FAT3: variants seen among roughly 807,000 people sequenced by gnomAD.
FAT3 encodes the protein protocadherin Fat 3.
FAT3 carries 95 observed loss-of-function variants against 310.2 expected under a neutral mutation model. The ratio of observed to expected loss-of-function variants is 0.31; its 90% confidence interval spans 0.26 to 0.36. The LOEUF (loss-of-function observed/expected upper bound fraction) is 0.36. FAT3 is among the 10% of genes least tolerant of loss of function. The pLI is 1.00. For synonymous variants in FAT3, 2,314 were observed against 2,192.9 expected (o/e 1.06, Z -1.54); for missense variants, 5,408 against 5,715.6 (o/e 0.95, Z 1.74).
chr11:92,500,789 C>G (rs1190039136), intron 2 of FAT3, among the ~76,000 whole-genome samples: 2 of 151,970 alleles, frequency 1.3e-5, no homozygotes, highest in African/African-American at 4.8e-5. Flanking sequence ...ACAGCAATAA[C>G]TTGAGGTGCC....
chr11:92,309,544 T>G (rs1212380747), intron 1 of FAT3, among the ~76,000 whole-genome samples: 1 of 152,108 alleles, frequency 6.6e-6, no homozygotes, highest in Non-Finnish European at 1.5e-5. Flanking sequence ...GGGAAAGTAA[T>G]TATTCTGCTC....
At chr11:92,531,914 T>C (rs1330016836) in intron 3 of FAT3, among the ~76,000 whole-genome samples, 1 of 152,130 alleles carries the variant, frequency 6.6e-6, no homozygotes, top group Non-Finnish European at 1.5e-5. Context: ...TGGCCTCTGC[T>C]AGATGCCAGG....
At chr11:92,532,029 G>A (rs1349978113) in intron 3 of FAT3, among the ~76,000 whole-genome samples, 1 of 151,992 alleles carries the variant, frequency 6.6e-6, no homozygotes, top group African/African-American at 2.4e-5. Context: ...CACTAACGTG[G>A]AATACTTTAC....
intron 2 of FAT3, among the ~76,000 whole-genome samples, chr11:92,397,475 C>A (rs1471754949): frequency 6.6e-6 from 1 of 152,170 alleles, no homozygotes; most frequent in Non-Finnish European, 1.5e-5. Context: ...CATTAACATG[C>A]CTCACATAGT....
intron 2 of FAT3, chr11:92,403,188 G>A (rs1950060797): frequency 6.6e-6 from 1 of 152,220 alleles, no homozygotes; most frequent in Admixed American, 6.5e-5. Flanking sequence ...ACAAGTAGAT[G>A]TAATGTCAAC....
At chr11:92,463,035 C>T (rs1036528353) in intron 2 of FAT3, among the ~76,000 whole-genome samples, 3 of 152,232 alleles carry the variant, frequency 2.0e-5, no homozygotes, top group Non-Finnish European at 4.4e-5. Context: ...GCCCCATGCT[C>T]AGCGTGGAGC....
At chr11:92,364,850 C>A (rs1158842753) in intron 2 of FAT3, among the ~76,000 whole-genome samples, 1 of 152,136 alleles carries the variant, frequency 6.6e-6, no homozygotes, top group Non-Finnish European at 1.5e-5. Flanking sequence ...ATTTGCATAA[C>A]ATAGTTAATA....
intron 14 of FAT3, 48 bp from the exon 15 acceptor site, chr11:92,834,822 C>T: frequency 7.0e-7 from 1 of 1,431,834 alleles, no homozygotes; most frequent in Non-Finnish European, 9.5e-7. Context: ...AATTGCTGAC[C>T]AGTGTTTTTT....
Position 92,806,393 on chromosome 11 carries a change from T to G in FAT3, c.9125T>G (p.Ile3042Ser). 6.3e-7 allele frequency: 1 copy of G among 1,599,464 alleles called. No homozygotes were observed. The highest frequency in any genetic ancestry group is 1.1e-5 in the South Asian group (1 of 88,068). Residue 3042 changes from isoleucine (I) to serine (S), a missense_variant, in exon 12 of 28, where the codon ATT becomes AGT. Ile to Ser is a moderately radical substitution (Grantham distance 142). This residue lies in a region of FAT3 where 4,588 missense variants were observed against 4,809.8 expected (regional missense o/e 0.95). Transcript: ENST00000525166. The part of the protein sequence containing the change: ...VAYTALLPED[I>S]PSNKIILKVS... ...TATACAGCATTACTTCCTGAAGACA[T>G]TCCATCAAATAAAATCATCCTGAAA...
intron 3 of FAT3, among the ~76,000 whole-genome samples, chr11:92,649,769 T>C (rs971027919): frequency 1.3e-5 from 2 of 151,832 alleles, no homozygotes; most frequent in Non-Finnish European, 2.9e-5. Flanking sequence ...GATCTAGATA[T>C]TAGATGGTGA....
At chr11:92,526,244 T>C (rs1034005436) in intron 3 of FAT3, among the ~76,000 whole-genome samples, 1 of 152,210 alleles carries the variant, frequency 6.6e-6, no homozygotes, top group African/African-American at 2.4e-5. Context: ...ATTTACTTTT[T>C]GGTATGGCAA....
chr11:92,259,953 C>T (rs1177994007), intron 1 of FAT3, among the ~76,000 whole-genome samples: 1 of 152,016 alleles, frequency 6.6e-6, no homozygotes, highest in Non-Finnish European at 1.5e-5. Flanking sequence ...CTGAGTTTGC[C>T]CTCAAGTCTT....
intron 2 of FAT3, among the ~76,000 whole-genome samples, chr11:92,376,455 T>G (rs550573144): frequency 7.3e-4 from 111 of 152,330 alleles, no homozygotes; most frequent in African/African-American, 2.6e-3. Context: ...CTCAGACGAA[T>G]AGTGAATCAT....
At chr11:92,530,657 A>G (rs1193958374) in intron 3 of FAT3, among the ~76,000 whole-genome samples, 1 of 152,104 alleles carries the variant, frequency 6.6e-6, no homozygotes, top group Non-Finnish European at 1.5e-5. Flanking sequence ...AATCAAGCAG[A>G]ATTTGTTATT....
chr11:92,848,236 A>C (rs965394189), intron 19 of FAT3, among the ~76,000 whole-genome samples: 3 of 152,204 alleles, frequency 2.0e-5, no homozygotes, highest in Non-Finnish European at 4.4e-5. Context: ...GTTTTAACAA[A>C]ATGAAAGCAG....
At chr11:92,809,387 T>C (rs2136210232) in intron 12 of FAT3, among the ~76,000 whole-genome samples, 1 of 152,284 alleles carries the variant, frequency 6.6e-6, no homozygotes, top group East Asian at 1.9e-4. Flanking sequence ...AAAAGTTGAG[T>C]ATCTGGAGGC....
chr11:92,784,006 G>A (rs547173464), intron 7 of FAT3, among the ~76,000 whole-genome samples: 1 of 152,154 alleles, frequency 6.6e-6, no homozygotes, highest in African/African-American at 2.4e-5. Context: ...TGTACACATT[G>A]TATGTATAAA....
intron 1 of FAT3, among the ~76,000 whole-genome samples, chr11:92,264,718 A>G (rs140778374): frequency 3.9e-5 from 6 of 152,268 alleles, no homozygotes; most frequent in African/African-American, 1.4e-4. Context: ...GCTTCTTCCC[A>G]GTGATGCCAT....
chr11:92,375,936 A>G (rs559600554), intron 2 of FAT3, among the ~76,000 whole-genome samples: 3 of 152,194 alleles, frequency 2.0e-5, no homozygotes, highest in Non-Finnish European at 4.4e-5. Flanking sequence ...AACTCTTTAA[A>G]TTAGGTCATT....
Sources: gnomAD v4.1 joint callset for allele counts (sites outside exome capture counted in the v4.1 genomes callset) on GRCh38, gnomAD v4.1.1 for gene constraint, gnomAD v4.1.1 regional missense constraint, MANE v1.5 for transcripts, NCBI Gene and HGNC (gene_info 2026-07-23, HGNC 2026-07-21) for gene names.